RBL1: variants seen among roughly 807,000 people sequenced by gnomAD.
The protein encoded by RBL1 is RB transcriptional corepressor like 1.
In RBL1, 82 loss-of-function variants were observed where a neutral mutation model predicts 123.0. The ratio of observed to expected loss-of-function variants is 0.67; its 90% CI spans 0.56 to 0.80. The LOEUF (loss-of-function observed/expected upper bound fraction) is 0.80, where lower values mean the gene tolerates loss of function less well. Among genes scored for constraint, RBL1 ranks in the 30% least tolerant of loss-of-function variants. The pLI, the probability that RBL1 is intolerant of heterozygous loss-of-function variation, is 0.00. For synonymous variants in RBL1, 405 were observed against 441.3 expected, an observed-to-expected ratio of 0.92 and a Z score of 1.03; for missense variants, 1,171 against 1,299.6, an observed-to-expected ratio of 0.90 and a Z score of 1.52.
At chr20:37,030,510 A>G (rs1343918930) in intron 16 of RBL1, among the ~76,000 whole-genome samples, 1 of 151,996 alleles carries the variant, frequency 6.6e-6, no homozygotes, top group African/African-American at 2.4e-5. Context: ...ACTTAAGCTC[A>G]CGAGTTGAGA....
chr20:37,069,746 T>TGG (rs546226164), intron 2 of RBL1, among the ~76,000 whole-genome samples: 1 of 143,032 alleles, frequency 7.0e-6, no homozygotes, highest in African/African-American at 2.7e-5. Flanking sequence ...GGGAGGGAGG[T>TGG]GGGGGGGGTC....
In RBL1 at chr20:36,998,638, C is replaced by A; in HGVS notation, c.*121G>T. 1 of 865,570 alleles carries A rather than the reference C, an allele frequency of 1.2e-6. No individual in the cohort carries two copies. Among genetic ancestry groups the A allele is most frequent in the Admixed American group, 3.4e-5 (1 of 29,544 alleles). The allele number at this position is 865,570 out of a possible 1,614,324, so 53.6% of individuals were successfully genotyped here. A position where few individuals can be genotyped will look rare whatever the true frequency, so the allele number is the denominator to read the frequency against. On this transcript the variant is annotated 3_prime_UTR_variant, in exon 22 of 22. Transcript: ENST00000373664. ...TTTTAAAAAGCACATAATTTTTGTG[C>A]AATTTTTTCTTATAACCCAGTGATA...
intron 14 of RBL1, among the ~76,000 whole-genome samples, chr20:37,036,450 C>A (rs1230385108): frequency 1.3e-5 from 2 of 148,958 alleles, no homozygotes; most frequent in Non-Finnish European, 3.0e-5. Flanking sequence ...GCTAATTTTT[C>A]TATTTTTAGT....
At chr20:37,071,823 T>C (rs1276555390) in intron 2 of RBL1, among the ~76,000 whole-genome samples, 3 of 152,064 alleles carry the variant, frequency 2.0e-5, no homozygotes, top group Admixed American at 6.6e-5. Context: ...CCACCCTCAA[T>C]TGCTCCTGCT....
chr20:37,062,839 C>T (rs1277045022), intron 7 of RBL1, among the ~76,000 whole-genome samples: 1 of 151,734 alleles, frequency 6.6e-6, no homozygotes, highest in Non-Finnish European at 1.5e-5. Flanking sequence ...CCTGTAGTCC[C>T]AGCTACTTGG....
intron 16 of RBL1, among the ~76,000 whole-genome samples, chr20:37,026,280 T>A (rs906513455): frequency 6.6e-6 from 1 of 152,184 alleles, no homozygotes; most frequent in Non-Finnish European, 1.5e-5. Flanking sequence ...TTTATCTTAA[T>A]GTAAAATTAT....
In RBL1 at chr20:37,032,665, C is replaced by CTTTCTGGTATTACAGAAAAACACTA; in HGVS notation, c.2381_2382insTAGTGTTTTTCTGTAATACCAGAAA (p.Lys794AsnfsTer6). 1 of 1,613,714 alleles carries CTTTCTGGTATTACAGAAAAACACTA rather than the reference C, an allele frequency of 6.2e-7. No homozygotes were observed. ...TCTAAAGTGCTATAAAAACACATAC[C>CTTTCTGGTATTACAGAAAAACACTA]TTTCTGTAAAATAGTGCTAAGGACC... On this transcript the variant is annotated stop_gained and frameshift_variant and splice_region_variant, in exon 16 of 22. Coordinates refer to ENST00000373664, the MANE Select transcript of RBL1 (RefSeq NM_002895.5). LOFTEE classifies it high-confidence loss of function.
chr20:37,046,847 A>T (rs990131053), intron 12 of RBL1, among the ~76,000 whole-genome samples: 2 of 152,076 alleles, frequency 1.3e-5, no homozygotes, highest in African/African-American at 4.8e-5. Flanking sequence ...TCCTGACCTC[A>T]GATAATCCTC....
intron 16 of RBL1, among the ~76,000 whole-genome samples, chr20:37,028,639 C>T (rs1233034177): frequency 2.0e-5 from 3 of 152,098 alleles, no homozygotes; most frequent in Non-Finnish European, 2.9e-5. Context: ...TGTATTTGTC[C>T]CACAGTGAAC....
intron 21 of RBL1, among the ~76,000 whole-genome samples, chr20:37,001,548 G>T (rs1376570077): frequency 2.6e-5 from 4 of 151,794 alleles, no homozygotes; most frequent in Non-Finnish European, 5.9e-5. Flanking sequence ...TTGTTAAACA[G>T]ATGCTTGAAG....
At chr20:37,011,433 A>AT (rs5841248) in intron 19 of RBL1, among the ~76,000 whole-genome samples, 98,127 of 135,782 alleles carry the variant, frequency 0.72, 35,792 homozygotes, top group Middle Eastern at 0.85. Context: ...CAAGGTCAGA[A>AT]TTTTTTTTTT....
At position 37,068,197 on chromosome 20, in the gene RBL1, A is replaced by AC. The variant is rs2065214944; in HGVS notation, c.291-12_291-11insG. On this transcript the variant is annotated splice_polypyrimidine_tract_variant and intron_variant, in intron 2 of 21. Coordinates refer to ENST00000373664, the MANE Select transcript of RBL1 (RefSeq NM_002895.5). The stretch of plus-strand genomic sequence containing the variant: ...AAAAATTGTATTAAACTAAAAAAAA[A>AC]AAGGAGGAGAAAAAAGGCACCTTTA... 1 of 1,540,906 alleles carries AC rather than the reference A, an allele frequency of 6.5e-7. No individual in the cohort carries two copies. The highest frequency in any genetic ancestry group is 8.7e-7 in the Non-Finnish European group (1 of 1,150,160).
At position 37,035,420 on chromosome 20, in the gene RBL1, G is replaced by T. The variant is rs1479350579; in HGVS notation, c.1992C>A (p.Asp664Glu). 4 of 1,613,842 alleles carry T rather than the reference G, an allele frequency of 2.5e-6. No homozygotes were observed. The highest frequency in any genetic ancestry group is 2.2e-5 in the South Asian group (2 of 91,088). The change falls in exon 15 of 22, where the codon GAC becomes GAA. Residue 664 changes from aspartate to glutamate, a missense_variant. Asp to Glu is a conservative substitution (Grantham distance 45). Transcript: ENST00000373664. ...GSAKRRLFGE[D>E]PPKEMLMDKI... The stretch of plus-strand genomic sequence containing the variant: ...TGTCCATAAGCATTTCCTTTGGGGG[G>T]TCCTCTCCAAAGAGTCTTCTCTTAG...
intron 19 of RBL1, among the ~76,000 whole-genome samples, chr20:37,009,506 C>T (rs140462210): frequency 1.3e-3 from 199 of 152,172 alleles, no homozygotes; most frequent in African/African-American, 4.4e-3. Context: ...TACAGGTGCA[C>T]GCTGCCACAC....
chr20:37,031,502 T>C (rs2064510083), intron 16 of RBL1, among the ~76,000 whole-genome samples: 1 of 152,194 alleles, frequency 6.6e-6, no homozygotes, highest in African/African-American at 2.4e-5. Flanking sequence ...AAGATGTCTC[T>C]TTATACCCAT....
rs1568876329 is a variant in RBL1 at position 37,068,085 on chromosome 20, A to C, written c.392T>G (p.Val131Gly). ...ATATTTTTTGAATATTACAGTAGAC[A>C]CCTCAAAATTTCTCTCTAGCCTTTC... ...RIERLERNFE[V>G]STVIFKKYEP... Residue 131 changes from valine (V) to glycine (G), a missense_variant, in exon 3 of 22, where the codon GTG becomes GGG. Val to Gly is a moderately radical substitution (Grantham distance 109). Coordinates refer to ENST00000373664, the MANE Select transcript of RBL1 (RefSeq NM_002895.5). 1 of 1,613,650 alleles carries C rather than the reference A, an allele frequency of 6.2e-7. No homozygotes were observed. Among genetic ancestry groups the C allele is most frequent in the Non-Finnish European group, 8.5e-7 (1 of 1,179,920 alleles).
At chr20:37,017,492 TTTTC>T (rs1263338268) in intron 19 of RBL1, among the ~76,000 whole-genome samples, 1 of 152,026 alleles carries the variant, frequency 6.6e-6, no homozygotes, top group African/African-American at 2.4e-5. Flanking sequence ...ACCATTTGAT[TTTTC>T]TTTCTTTGAA....
chr20:37,019,928 G>T (rs1288249562), intron 18 of RBL1, among the ~76,000 whole-genome samples: 1 of 152,072 alleles, frequency 6.6e-6, no homozygotes, highest in East Asian at 1.9e-4. Context: ...AATATAATCA[G>T]AAATGTTTAA....
In RBL1 at chr20:36,997,423, G is replaced by GAA. The variant is rs2063900220; in HGVS notation, c.*1334_*1335dup. On this transcript the variant is annotated 3_prime_UTR_variant, in exon 22 of 22. Transcript: ENST00000373664. ...GTACCCAGTGGTCAAACACTAGCAGGAAACTCATGATGCACTAACAATACT... is the reference window on the plus strand; with the variant it reads ...GTACCCAGTGGTCAAACACTAGCAGGAAAAACTCATGATGCACTAACAATACT... The GAA allele has an allele frequency of 6.6e-6, 1 of 152,106 alleles. No homozygotes were observed. The highest frequency in any genetic ancestry group is 1.5e-5 in the Non-Finnish European group (1 of 68,028). The allele number at this position is 152,106 out of a possible 1,614,324, so 9.4% of individuals were successfully genotyped here.
Sources: allele counts gnomAD v4.1 joint callset (sites outside exome capture counted in the v4.1 genomes callset), GRCh38; gene constraint gnomAD v4.1.1; transcripts MANE v1.5; gene names NCBI Gene and HGNC (gene_info 2026-07-23, HGNC 2026-07-21).